The following FER variants were observed in gnomAD, a reference collection of about 807,000 sequenced individuals.
FER encodes FER tyrosine kinase.
A neutral mutation model predicts 111.0 loss-of-function variants in FER; 63 were observed. The observed-to-expected ratio is 0.57, with a 90% CI of 0.46 to 0.70. The LOEUF is 0.70. Among genes scored for constraint, FER ranks in the 30% least tolerant of loss-of-function variants. The pLI, the probability that FER is intolerant of heterozygous loss-of-function variation, is 0.00. For missense variants in FER, 914 were observed against 954.0 expected (o/e 0.96, Z 0.55); for synonymous variants, 327 against 313.9 (o/e 1.04, Z -0.44).
intron 11 of FER, among the ~76,000 whole-genome samples, chr5:108,951,035 C>A (rs559744171): frequency 6.6e-6 from 1 of 152,102 alleles, no homozygotes; most frequent in East Asian, 1.9e-4. Context: ...CTTTGGGAGG[C>A]TCGGGCAGGC....
At chr5:108,820,199 A>C in intron 3 of FER, 1 of 985,454 alleles carries the variant, frequency 1.0e-6, no homozygotes. Context: ...CAACAAAGGA[A>C]TCTTCTCTGG....
chr5:108,898,621 T>A (rs1253564660), intron 10 of FER, among the ~76,000 whole-genome samples: 2 of 136,426 alleles, frequency 1.5e-5, no homozygotes, highest in African/African-American at 5.3e-5. Context: ...CTTCCTTCCT[T>A]CCTTCCTTTC....
At chr5:108,879,702 ATATAT>A (rs1476995346) in intron 8 of FER, among the ~76,000 whole-genome samples, 6 of 91,008 alleles carry the variant, frequency 6.6e-5, no homozygotes, top group African/African-American at 3.9e-4. Flanking sequence ...TTAAAAAAAA[ATATAT>A]ATATATATAT....
intron 17 of FER, among the ~76,000 whole-genome samples, chr5:109,140,117 CT>C (rs1432810104): frequency 6.6e-6 from 1 of 152,020 alleles, no homozygotes; most frequent in Non-Finnish European, 1.5e-5. Flanking sequence ...CAAATTAAGC[CT>C]TTTTAAAATT....
chr5:109,087,837 C>CT (rs1392691145), intron 16 of FER, among the ~76,000 whole-genome samples: 1 of 151,770 alleles, frequency 6.6e-6, no homozygotes, highest in Admixed American at 6.6e-5. Flanking sequence ...TTATCACATT[C>CT]TTAAAGATGT....
intron 2 of FER, among the ~76,000 whole-genome samples, chr5:108,796,107 A>G (rs1755987464): frequency 6.6e-6 from 1 of 152,228 alleles, no homozygotes; most frequent in Non-Finnish European, 1.5e-5. Flanking sequence ...GCCCAGTAAC[A>G]CTATGATTTA....
intron 13 of FER, among the ~76,000 whole-genome samples, chr5:108,986,592 G>T (rs1018576879): frequency 6.6e-6 from 1 of 152,142 alleles, no homozygotes; most frequent in South Asian, 2.1e-4. Context: ...TTAAATTTAA[G>T]TCCTTGATCC....
intron 17 of FER, among the ~76,000 whole-genome samples, chr5:109,132,362 AG>A (rs1752443879): frequency 6.6e-6 from 1 of 152,188 alleles, no homozygotes; most frequent in Non-Finnish European, 1.5e-5. Context: ...TAATCTATTG[AG>A]TGCTTACTAT....
At chr5:108,825,014 G>T (rs924327064) in intron 3 of FER, among the ~76,000 whole-genome samples, 18 of 152,170 alleles carry the variant, frequency 1.2e-4, no homozygotes, top group African/African-American at 4.3e-4. Flanking sequence ...GTGCGAATAG[G>T]TGTGGGTGAC....
chr5:108,999,631 T>C (rs948452293), intron 13 of FER, among the ~76,000 whole-genome samples: 8 of 152,064 alleles, frequency 5.3e-5, no homozygotes, highest in African/African-American at 1.9e-4. Flanking sequence ...TGCTTCCCAA[T>C]ATGTTTGTAC....
intron 5 of FER, among the ~76,000 whole-genome samples, chr5:108,847,471 G>A (rs1762135418): frequency 1.3e-5 from 2 of 152,090 alleles, no homozygotes; most frequent in Non-Finnish European, 1.5e-5. Flanking sequence ...TGATAAGAAT[G>A]TGTATTATGC....
At position 109,153,293 on chromosome 5, in the gene FER, A is replaced by G. The variant is rs571634524; in HGVS notation, c.2049-27454A>G. Among the ~76,000 whole-genome samples, 3 of 152,016 alleles carry G rather than the reference A, an allele frequency of 2.0e-5. No homozygotes were observed. The East Asian group carries it at 5.8e-4, about 29-fold the overall frequency. On this transcript the variant is annotated intron_variant, in intron 17 of 19. Transcript: ENST00000281092. Reference sequence around the variant, plus strand: ...GTTATGATCAATCACATTATCCATCAATATAGTTACATCTTCTGGTTGTAC... The same window carrying G: ...GTTATGATCAATCACATTATCCATCGATATAGTTACATCTTCTGGTTGTAC...
chr5:109,185,675 G>T (rs1431240784), intron 18 of FER, among the ~76,000 whole-genome samples: 2 of 152,034 alleles, frequency 1.3e-5, no homozygotes, highest in Non-Finnish European at 2.9e-5. Context: ...GATTAAACTA[G>T]CAGCCTGAAG....
chr5:108,786,642 A>G (rs1392852184), intron 2 of FER, among the ~76,000 whole-genome samples: 1 of 152,092 alleles, frequency 6.6e-6, no homozygotes, highest in African/African-American at 2.4e-5. Context: ...CTGGGGCTAC[A>G]GGAGCCTGCT....
At chr5:109,093,496 T>G (rs1747081011) in intron 16 of FER, among the ~76,000 whole-genome samples, 3 of 152,160 alleles carry the variant, frequency 2.0e-5, no homozygotes. Flanking sequence ...AAAATTTATG[T>G]TTTTAATTAT....
chr5:109,127,599 G>A (rs895360526), intron 17 of FER, among the ~76,000 whole-genome samples: 8 of 151,982 alleles, frequency 5.3e-5, no homozygotes, highest in Admixed American at 2.6e-4. Flanking sequence ...TAGAGACGGG[G>A]TTTCACCATG....
chr5:109,123,944 A>G (rs1198292129), intron 17 of FER, among the ~76,000 whole-genome samples: 1 of 152,180 alleles, frequency 6.6e-6, no homozygotes, highest in East Asian at 1.9e-4. Context: ...AGAAATATTA[A>G]AAGAGCATGG....
At chr5:109,128,710 A>G (rs1464679619) in intron 17 of FER, among the ~76,000 whole-genome samples, 3 of 152,176 alleles carry the variant, frequency 2.0e-5, no homozygotes, top group African/African-American at 7.2e-5. Context: ...CAATGTACCT[A>G]AAATAATAAA....
intron 13 of FER, among the ~76,000 whole-genome samples, chr5:108,978,449 T>C (rs560525618): frequency 2.6e-5 from 4 of 152,350 alleles, no homozygotes; most frequent in Admixed American, 6.5e-5. Context: ...CTTGGAAATA[T>C]ATTTTGGGCA....
Sources: gnomAD v4.1 joint callset for allele counts (sites outside exome capture counted in the v4.1 genomes callset) on GRCh38, gnomAD v4.1.1 for gene constraint, MANE v1.5 for transcripts, NCBI Gene and HGNC (gene_info 2026-07-23, HGNC 2026-07-21) for gene names.